The following AOPEP variants were observed in gnomAD, a reference collection of about 807,000 sequenced individuals.
AOPEP encodes aminopeptidase O (putative), also known as aminopeptidase O.
AOPEP carries 77 observed loss-of-function variants against 98.1 expected under a neutral mutation model. The ratio of observed to expected loss-of-function variants is 0.78; its 90% CI spans 0.65 to 0.95. The LOEUF is 0.95. AOPEP is among the 40% of genes least tolerant of loss of function. The probability of loss-of-function intolerance (pLI) is 0.00; values close to 1 mark genes in which losing one functional copy is unlikely to be tolerated. For synonymous variants in AOPEP, 346 were observed against 365.3 expected, an observed-to-expected ratio of 0.95 and a Z score of 0.60; for missense variants, 1,024 against 1,024.7, an observed-to-expected ratio of 1.00 and a Z score of 0.01.
intron 15 of AOPEP, chr9:95,080,995 C>T: frequency 1.8e-6 from 1 of 557,180 alleles, no homozygotes; most frequent in South Asian, 2.2e-5. Context: ...ACCTTCAATG[C>T]CGCCTTGTGG....
At chr9:95,058,442 C>T (rs1237762100) in intron 13 of AOPEP, among the ~76,000 whole-genome samples, 2 of 152,152 alleles carry the variant, frequency 1.3e-5, no homozygotes, top group Non-Finnish European at 2.9e-5. Flanking sequence ...AGTTAGCAAA[C>T]GAGGCCCCAC....
chr9:94,875,739 C>T (rs2046871010), intron 5 of AOPEP, among the ~76,000 whole-genome samples: 3 of 152,162 alleles, frequency 2.0e-5, no homozygotes, highest in Non-Finnish European at 4.4e-5. Context: ...TTCAGAATTC[C>T]ACCTGTTTGG....
At chr9:94,907,569 TACACACATGCATGTGTGC>T (rs1403406391) in intron 5 of AOPEP, among the ~76,000 whole-genome samples, 2 of 151,358 alleles carry the variant, frequency 1.3e-5, no homozygotes, top group African/African-American at 2.4e-5. Flanking sequence ...TTTGCCCCTT[TACACACATGCATGTGTGC>T]ACACACATGC....
intron 5 of AOPEP, among the ~76,000 whole-genome samples, chr9:94,879,773 C>A (rs72748530): frequency 0.021 from 3,265 of 152,248 alleles, 87 homozygotes; most frequent in African/African-American, 0.057. Context: ...TTGTTTTCCT[C>A]GGATTATGAG....
chr9:94,913,685 A>C (rs2052404085), intron 5 of AOPEP, among the ~76,000 whole-genome samples: 1 of 152,238 alleles, frequency 6.6e-6, no homozygotes, highest in African/African-American at 2.4e-5. Context: ...GAGCAGGCGA[A>C]TTTGTTTAAC....
At chr9:95,086,209 C>T in intron 16 of AOPEP, 1 of 1,286,390 alleles carries the variant, frequency 7.8e-7, no homozygotes, top group Non-Finnish European at 1.0e-6. Flanking sequence ...CCGGCGGCAG[C>T]ACGGTGCCAG....
At chr9:95,138,344 T>A in the AOPEP span, among the ~76,000 whole-genome samples, 1 of 152,152 alleles carries the variant, frequency 6.6e-6, no homozygotes. Context: ...ATGCCCCTTG[T>A]GAAGAGGAAA....
chr9:94,817,602 C>T (rs571073628), intron 5 of AOPEP, among the ~76,000 whole-genome samples: 27 of 152,290 alleles, frequency 1.8e-4, no homozygotes, highest in African/African-American at 4.6e-4. Flanking sequence ...TCTAGTAGGA[C>T]GAGTTATGGC....
chr9:94,968,996 G>A (rs1329990837), intron 10 of AOPEP, among the ~76,000 whole-genome samples: 1 of 152,144 alleles, frequency 6.6e-6, no homozygotes, highest in Non-Finnish European at 1.5e-5. Context: ...ATACCAACAA[G>A]AGGACCAAGA....
At chr9:94,948,136 T>C (rs2057820593) in intron 7 of AOPEP, among the ~76,000 whole-genome samples, 1 of 152,210 alleles carries the variant, frequency 6.6e-6, no homozygotes, top group Admixed American at 6.5e-5. Flanking sequence ...TTCTTGACTG[T>C]GGATGCTGTC....
At chr9:94,922,241 T>C (rs187503305) in intron 5 of AOPEP, among the ~76,000 whole-genome samples, 3 of 152,256 alleles carry the variant, frequency 2.0e-5, no homozygotes, top group African/African-American at 4.8e-5. Context: ...CCCCGGACAG[T>C]GGAGGCTTTT....
intron 1 of AOPEP, among the ~76,000 whole-genome samples, chr9:94,740,546 T>C (rs1832832772): frequency 6.6e-6 from 1 of 152,192 alleles, no homozygotes; most frequent in South Asian, 2.1e-4. Flanking sequence ...ATTTTCTTAT[T>C]GAGTGATAGA....
chr9:95,086,289 G>C (rs988832364), intron 16 of AOPEP: 1 of 985,454 alleles, frequency 1.0e-6, no homozygotes, highest in Non-Finnish European at 1.2e-6. Flanking sequence ...AAAGTTAAGA[G>C]CTCCCAGGCC....
intron 3 of AOPEP, among the ~76,000 whole-genome samples, chr9:94,776,827 G>A (rs1564114063): frequency 6.6e-6 from 1 of 150,774 alleles, no homozygotes; most frequent in Non-Finnish European, 1.5e-5. Flanking sequence ...TACTATTATT[G>A]TATTTTCATT....
At position 94,752,836 on chromosome 9, in the gene AOPEP, A is replaced by G. The variant is rs1206923276; in HGVS notation, c.-135-6813A>G. Among the ~76,000 whole-genome samples the G allele has an allele frequency of 2.0e-5, 3 of 152,294 alleles. No homozygotes were observed. In the East Asian group the frequency reaches 5.8e-4, roughly 29 times the overall value. The stretch of plus-strand genomic sequence containing the variant: ...AGTTTGCACCTGAAAGCAATAGACT[A>G]TGGTAGCAATAATAACCATGTTGAC... On this transcript the variant is annotated intron_variant, in intron 1 of 16. Transcript: ENST00000375315.
intron 5 of AOPEP, among the ~76,000 whole-genome samples, chr9:94,910,478 A>C (rs984430012): frequency 7.9e-5 from 12 of 152,150 alleles, no homozygotes; most frequent in African/African-American, 2.9e-4. Flanking sequence ...GGGCTCCCTC[A>C]AGGGTGGGAC....
intron 14 of AOPEP, among the ~76,000 whole-genome samples, chr9:95,063,213 A>T (rs141121790): frequency 5.8e-4 from 89 of 152,370 alleles, no homozygotes; most frequent in African/African-American, 2.1e-3. Context: ...AGTTTAAAAA[A>T]TATATTTGAC....
intron 14 of AOPEP, among the ~76,000 whole-genome samples, chr9:95,065,831 G>T (rs1260081589): frequency 6.6e-6 from 1 of 152,196 alleles, no homozygotes; most frequent in Admixed American, 6.5e-5. Flanking sequence ...CTGGCTTACT[G>T]GCCCATTGAT....
At chr9:94,742,467 C>T (rs1286811357) in intron 1 of AOPEP, among the ~76,000 whole-genome samples, 2 of 151,476 alleles carry the variant, frequency 1.3e-5, no homozygotes, top group Admixed American at 1.3e-4. Context: ...TAGTCTCACT[C>T]TGTCGCCAGG....
Sources: allele counts gnomAD v4.1 joint callset (sites outside exome capture counted in the v4.1 genomes callset), GRCh38; gene constraint gnomAD v4.1.1; transcripts MANE v1.5; gene names NCBI Gene and HGNC (gene_info 2026-07-23, HGNC 2026-07-21).